FMN2: variants seen among roughly 807,000 people sequenced by gnomAD.
The protein encoded by FMN2 is formin 2.
A neutral mutation model predicts 142.3 loss-of-function variants in FMN2; 51 were observed. The observed-to-expected ratio is 0.36, with a 90% CI of 0.29 to 0.45. The LOEUF is 0.45. Ranked by LOEUF, FMN2 falls within the 20% of genes least tolerant of loss-of-function variation. The probability of loss-of-function intolerance (pLI) is 1.00; values close to 1 mark genes in which losing one functional copy is unlikely to be tolerated. For missense variants in FMN2, 1,936 were observed against 2,122.8 expected, an observed-to-expected ratio of 0.91 and a Z score of 1.73; for synonymous variants, 882 against 869.8, an observed-to-expected ratio of 1.01 and a Z score of -0.25.
At chr1:240,256,658 C>T (rs996460330) in intron 6 of FMN2, among the ~76,000 whole-genome samples, 2 of 151,648 alleles carry the variant, frequency 1.3e-5, no homozygotes, top group Non-Finnish European at 2.9e-5. Flanking sequence ...GGCTGAGTCA[C>T]GAGACTCACT....
At chr1:240,468,811 G>A (rs1676718892) in intron 16 of FMN2, among the ~76,000 whole-genome samples, 2 of 152,116 alleles carry the variant, frequency 1.3e-5, no homozygotes, top group Admixed American at 1.3e-4. Context: ...TAAACCAAAT[G>A]GAGAGCCCAA....
At chr1:240,173,187 T>G (rs1664779583) in intron 2 of FMN2, among the ~76,000 whole-genome samples, 1 of 152,126 alleles carries the variant, frequency 6.6e-6, no homozygotes, top group African/African-American at 2.4e-5. Context: ...CTGCCCGGCT[T>G]GGCCTCCCAA....
At chr1:240,171,769 T>C (rs902643076) in intron 2 of FMN2, among the ~76,000 whole-genome samples, 2 of 152,238 alleles carry the variant, frequency 1.3e-5, no homozygotes, top group African/African-American at 4.8e-5. Context: ...TATAACCTAG[T>C]GAAAAGATGG....
chr1:240,141,603 C>T (rs1663186900), intron 2 of FMN2, among the ~76,000 whole-genome samples: 1 of 152,134 alleles, frequency 6.6e-6, no homozygotes, highest in Non-Finnish European at 1.5e-5. Context: ...CTCCTGACCT[C>T]AGGTAATCTG....
chr1:240,278,224 G>A (rs1319509725), intron 7 of FMN2, among the ~76,000 whole-genome samples: 1 of 152,182 alleles, frequency 6.6e-6, no homozygotes, highest in Non-Finnish European at 1.5e-5. Flanking sequence ...ATGAGCATTT[G>A]TAGGGTCAGT....
At chr1:240,413,016 G>A (rs569175043) in intron 15 of FMN2, among the ~76,000 whole-genome samples, 22 of 147,194 alleles carry the variant, frequency 1.5e-4, no homozygotes, top group African/African-American at 4.8e-4. Context: ...TCAGCTACTC[G>A]GGAGAATGAG....
chr1:240,176,752 G>A (rs181968691), intron 2 of FMN2, among the ~76,000 whole-genome samples: 7 of 152,254 alleles, frequency 4.6e-5, no homozygotes, highest in Admixed American at 3.3e-4. Flanking sequence ...AGGATAGCTG[G>A]AAGATACATG....
intron 15 of FMN2, among the ~76,000 whole-genome samples, chr1:240,429,816 A>G (rs1295946157): frequency 2.6e-5 from 4 of 151,522 alleles, no homozygotes; most frequent in Non-Finnish European, 4.4e-5. Context: ...GTTCATGGAC[A>G]TTTGGGTTTC....
chr1:240,362,901 C>A (rs906597406), intron 14 of FMN2, among the ~76,000 whole-genome samples: 1 of 152,078 alleles, frequency 6.6e-6, no homozygotes, highest in African/African-American at 2.4e-5. Flanking sequence ...CTTCTACCCG[C>A]CTCCCCGCTT....
chr1:240,374,622 A>AT (rs1266451155), intron 14 of FMN2, among the ~76,000 whole-genome samples: 2 of 152,174 alleles, frequency 1.3e-5, no homozygotes, highest in Non-Finnish European at 2.9e-5. Context: ...CTTAGTCTTC[A>AT]TACAATTGAA....
chr1:240,376,887 C>T (rs928648488), intron 14 of FMN2, among the ~76,000 whole-genome samples: 2 of 152,082 alleles, frequency 1.3e-5, no homozygotes, highest in African/African-American at 4.8e-5. Flanking sequence ...TAATTTATCA[C>T]AGTCTATCTT....
At chr1:240,318,583 C>G (rs898204058) in intron 8 of FMN2, among the ~76,000 whole-genome samples, 4 of 152,024 alleles carry the variant, frequency 2.6e-5, no homozygotes, top group African/African-American at 4.8e-5. Flanking sequence ...TCATTGCTTC[C>G]CTATGTTTGT....
intron 4 of FMN2, among the ~76,000 whole-genome samples, chr1:240,202,874 A>C (rs1309311504): frequency 6.6e-6 from 1 of 152,234 alleles, no homozygotes; most frequent in Non-Finnish European, 1.5e-5. Flanking sequence ...CATAGGCAAT[A>C]ACATTTACAA....
chr1:240,160,506 G>GTA (rs537259594), intron 2 of FMN2, among the ~76,000 whole-genome samples: 40 of 149,464 alleles, frequency 2.7e-4, no homozygotes, highest in Admixed American at 1.4e-3. Flanking sequence ...TATATAATGT[G>GTA]TATATATATA....
chr1:240,422,996 A>G (rs1432876020), intron 15 of FMN2, among the ~76,000 whole-genome samples: 1 of 152,172 alleles, frequency 6.6e-6, no homozygotes, highest in Non-Finnish European at 1.5e-5. Context: ...CTCTGAGGTC[A>G]CAATTACCCT....
At chr1:240,329,714 C>T (rs1396656748) in intron 10 of FMN2, among the ~76,000 whole-genome samples, 1 of 152,134 alleles carries the variant, frequency 6.6e-6, no homozygotes, top group Non-Finnish European at 1.5e-5. Context: ...CCAGAGATTT[C>T]TCTGCCCTCT....
intron 2 of FMN2, among the ~76,000 whole-genome samples, chr1:240,166,142 GTA>G (rs902530755): frequency 2.0e-4 from 30 of 148,428 alleles, no homozygotes; most frequent in African/African-American, 6.9e-4. Context: ...TTATATATAT[GTA>G]TATAAATATA....
chr1:240,207,291 T>G lies in FMN2; in HGVS notation c.2479T>G (p.Ser827Ala), dbSNP rs749412652. The change falls in exon 5 of 18, where the codon TCA becomes GCA. Residue 827 changes from serine (S) to alanine (A), a missense_variant. Physicochemically the swap from Ser to Ala is moderately conservative, Grantham distance 99. Coordinates refer to ENST00000319653, the MANE Select transcript of FMN2 (RefSeq NM_020066.5). ...GTCTGCTGGGCAAGGACAGCCTGGGTCACAGCCGCCCCATTCTATTTCTAC... is the reference window on the plus strand; with the variant it reads ...GTCTGCTGGGCAAGGACAGCCTGGGGCACAGCCGCCCCATTCTATTTCTAC... Reference protein sequence around the residue: ...LWSAGQGQPGSQPPHSISTEF... With the variant: ...LWSAGQGQPGAQPPHSISTEF... 1.2e-6 allele frequency: 2 copies of G among 1,613,784 alleles called. No individual in the cohort carries two copies.
intron 2 of FMN2, among the ~76,000 whole-genome samples, chr1:240,162,414 A>G (rs1664316613): frequency 1.3e-5 from 2 of 150,140 alleles, no homozygotes; most frequent in Admixed American, 1.3e-4. Flanking sequence ...CTGTGAACCG[A>G]GATCGCACCA....
Sources: gnomAD v4.1 joint callset for allele counts (sites outside exome capture counted in the v4.1 genomes callset) on GRCh38, gnomAD v4.1.1 for gene constraint, MANE v1.5 for transcripts, NCBI Gene and HGNC (gene_info 2026-07-23, HGNC 2026-07-21) for gene names.